DUOX2: variants seen among roughly 807,000 people sequenced by gnomAD.
DUOX2 encodes the protein NADH/NADPH thyroid oxidase p138-tox.
A neutral mutation model predicts 183.3 loss-of-function variants in DUOX2; 185 were observed. The ratio of observed to expected loss-of-function variants is 1.01; its 90% CI spans 0.90 to 1.14. The LOEUF (loss-of-function observed/expected upper bound fraction) is 1.14. Ranked by LOEUF, DUOX2 falls within the 50% of genes most tolerant of loss-of-function variation. The pLI, the probability that DUOX2 is intolerant of heterozygous loss-of-function variation, is 0.00. For missense variants in DUOX2, 1,999 were observed against 2,022.9 expected, an observed-to-expected ratio of 0.99 and a Z score of 0.23; for synonymous variants, 788 against 812.4, an observed-to-expected ratio of 0.97 and a Z score of 0.51.
At chr15:45,095,159 C>A in intron 31 of DUOX2, 68 bp from the exon 32 acceptor site, 1 of 1,559,054 alleles carries the variant, frequency 6.4e-7, no homozygotes, top group Non-Finnish European at 8.7e-7. Flanking sequence ...GGTGCCTTCA[C>A]CTGAGAGGCT....
intron 3 of DUOX2, 115 bp from the exon 4 acceptor site, chr15:45,112,833 A>C: frequency 1.3e-6 from 2 of 1,560,238 alleles, no homozygotes; most frequent in East Asian, 2.2e-5. Flanking sequence ...ACCTTCCCTC[A>C]AGGGTCTCTT....
At chr15:45,101,037 C>T (rs1379785178) in intron 22 of DUOX2, 168 bp downstream of exon 22, 13 of 724,888 alleles carry the variant, frequency 1.8e-5, no homozygotes, top group African/African-American at 5.3e-5. Flanking sequence ...GCCAAGCATC[C>T]GAGCAGCATA....
Position 45,094,974 on chromosome 15 carries a change from G to A in DUOX2, c.4357C>T (p.Gln1453Ter), listed in dbSNP as rs1188250699. 1 of 1,614,140 alleles carries A rather than the reference G, an allele frequency of 6.2e-7. No individual in the cohort carries two copies. The highest frequency in any genetic ancestry group is 1.7e-5 in the Admixed American group (1 of 60,022). ...CTGAGGTCGAACTTCTCAGCCAGCT[G>A]GGTGACATAAATGTGCACAGACACC... is the stretch of plus-strand genomic sequence containing the variant. The part of the protein sequence containing the change: ...DLVSVHIYVT[Q>*]LAEKFDLRTT... Residue 1453 changes from glutamine to a stop codon, truncating the protein, a stop_gained, in exon 32 of 34, where the codon CAG becomes TAG. Coordinates refer to ENST00000389039, the MANE Select transcript of DUOX2 (RefSeq NM_001363711.2). LOFTEE classifies it high-confidence loss of function.
At chr15:45,101,605 C>T in intron 21 of DUOX2, 188 bp downstream of exon 21, 1 of 707,760 alleles carries the variant, frequency 1.4e-6, no homozygotes, top group Non-Finnish European at 2.4e-6. Context: ...GCTCCTTGAC[C>T]TCAGTGGGTA....
In DUOX2 at chr15:45,108,114, T is replaced by C. The variant is rs1233086314; in HGVS notation, c.1507A>G (p.Ile503Val). The stretch of plus-strand genomic sequence containing the variant: ...AGCCGTACAAACTGGTCGAGGACAA[T>C]GGCACTGAACAGGGGTCCAGGGTCC... Reference protein sequence around the residue: ...HGDPGPLFSAIVLDQFVRLRD... With the variant: ...HGDPGPLFSAVVLDQFVRLRD... Residue 503 changes from isoleucine to valine, a missense_variant, in exon 13 of 34, where the codon ATT (isoleucine) becomes GTT (valine). Physicochemically the swap from Ile to Val is conservative, Grantham distance 29. This residue lies in a region of DUOX2 where 1,628 missense variants were observed against 1,608.6 expected (regional missense o/e 1.01). Coordinates refer to ENST00000389039, the MANE Select transcript of DUOX2 (RefSeq NM_001363711.2). 2 of 1,614,002 alleles carry C rather than the reference T, an allele frequency of 1.2e-6. No homozygotes were observed. Among genetic ancestry groups the C allele is most frequent in the East Asian group, 2.2e-5 (1 of 44,888 alleles).
rs548489857 is a variant in DUOX2, at chr15:45,106,449, G to A, written c.1945+79C>T. On this transcript the variant is annotated intron_variant, in intron 16 of 33. Coordinates refer to ENST00000389039, the MANE Select transcript of DUOX2 (RefSeq NM_001363711.2). ...GGTGCCTTGGCTTTCCTCTCACTCT[G>A]TAACTTGGTTCTTTCTCCCAGACTC... 6 of 1,588,940 alleles carry A rather than the reference G, an allele frequency of 3.8e-6. No homozygotes were observed. The South Asian group carries it at 6.6e-5, about 18-fold the overall frequency.
At chr15:45,108,654 T>C in intron 12 of DUOX2, 135 bp downstream of exon 12, 3 of 1,044,592 alleles carry the variant, frequency 2.9e-6, no homozygotes, top group Non-Finnish European at 4.3e-6. Flanking sequence ...ATGTCATCAG[T>C]AAAATGGGGA....
chr15:45,107,980 G>A lies in DUOX2; in HGVS notation c.1574+67C>T, dbSNP rs572595569. 7 of 1,582,450 alleles carry A rather than the reference G, an allele frequency of 4.4e-6. No individual in the cohort carries two copies. In the East Asian group the frequency reaches 1.3e-4, roughly 30 times the overall value. On this transcript the variant is annotated intron_variant, in intron 13 of 33. Transcript: ENST00000389039. ...TCAAGGGCTCATAGGGGCTGTCTAA[G>A]GCTAGACAGAGGGTCTGGGGCTCAG... is the stretch of plus-strand genomic sequence containing the variant.
chr15:45,096,029 T>C lies in DUOX2; in HGVS notation c.3879A>G (p.Gln1293=), dbSNP rs913801510. Reference sequence around the variant, plus strand: ...ACTGTCCTGACTTGTACTCAAAGCCTTGGGGCCTCTGGAATTGCAGGTAGG... The same window carrying C: ...ACTGTCCTGACTTGTACTCAAAGCCCTGGGGCCTCTGGAATTGCAGGTAGG... ...GVTYLQFQRP[Q]GFEYKSGQWV... The change falls in exon 30 of 34, where the codon CAA becomes CAG. Residue 1293 remains glutamine (Q), a synonymous_variant. Transcript: ENST00000389039. 2 of 1,613,942 alleles carry C rather than the reference T, an allele frequency of 1.2e-6. No homozygotes were observed. Among genetic ancestry groups the C allele is most frequent in the Non-Finnish European group, 1.7e-6 (2 of 1,179,968 alleles).
chr15:45,094,634 G>A lies in DUOX2; in HGVS notation c.4453C>T (p.Arg1485Cys), dbSNP rs368004695. The change falls in exon 33 of 34, where the codon CGC becomes TGC. Residue 1485 changes from arginine (R) to cysteine (C), a missense_variant. This residue lies in a region of DUOX2 where 1,628 missense variants were observed against 1,608.6 expected (regional missense o/e 1.01). Transcript: ENST00000389039. ...VLNRSLFTGLRSITHFGRPPF... is the reference protein window; with the variant it reads ...VLNRSLFTGLCSITHFGRPPF... ...GGACGGCCAAAGTGGGTGATGGAGC[G>A]CAGGCCCGTGAACAGACTCCGGTTC... 1.1e-5 allele frequency: 18 copies of A among 1,613,942 alleles called. No homozygotes were observed. The highest frequency in any genetic ancestry group is 1.2e-5 in the Non-Finnish European group (14 of 1,180,004).
intron 18 of DUOX2, 70 bp downstream of exon 18, chr15:45,105,573 G>T (rs879204914): frequency 4.4e-6 from 7 of 1,593,006 alleles, no homozygotes; most frequent in Non-Finnish European, 6.0e-6. Flanking sequence ...CCACAGGGGC[G>T]TTCTATGCAG....
chr15:45,105,211 T>G (rs1335934940), intron 18 of DUOX2, among the ~76,000 whole-genome samples: 1 of 152,196 alleles, frequency 6.6e-6, no homozygotes, highest in East Asian at 1.9e-4. Context: ...TTAGAGTGTA[T>G]CTGAATCATC....
chr15:45,105,673 C>T lies in DUOX2; in HGVS notation c.2304G>A (p.Leu768=), dbSNP rs1249677541. The change falls in exon 18 of 34, where the codon CTG becomes CTA. Residue 768 remains leucine (L), a synonymous_variant. Transcript: ENST00000389039. The part of the protein sequence containing the change: ...AVTKQQRERI[L]EIFFRHLFAQ... Reference sequence around the variant, plus strand: ...CAAAAAGGTGTCTGAAGAAGATCTCCAGGATGCGTTCCCGCTGCTGCTTTG... The same window carrying T: ...CAAAAAGGTGTCTGAAGAAGATCTCTAGGATGCGTTCCCGCTGCTGCTTTG... The T allele has an allele frequency of 1.2e-6, 2 of 1,614,256 alleles. No homozygotes were observed. The highest frequency in any genetic ancestry group is 2.7e-5 in the African/African-American group (2 of 75,068).
Position 45,099,459 on chromosome 15 carries a change from C to T in DUOX2, c.3439G>A (p.Val1147Ile), listed in dbSNP as rs1401664811. 1.2e-6 allele frequency: 2 copies of T among 1,613,940 alleles called. No homozygotes were observed. The highest frequency in any genetic ancestry group is 1.7e-5 in the Admixed American group (1 of 60,002). ...LAILHSAGHA[V>I]NVYIFSVSPL... Reference sequence around the variant, plus strand: ...CTGACTGAGAAGATGTAGACATTGACTGCGTGGCCAGCACTGTGCAAAACT... The same window carrying T: ...CTGACTGAGAAGATGTAGACATTGATTGCGTGGCCAGCACTGTGCAAAACT... Residue 1147 changes from valine to isoleucine, a missense_variant, in exon 26 of 34, where the codon GTC (valine) becomes ATC (isoleucine). This residue lies in a region of DUOX2 where 1,628 missense variants were observed against 1,608.6 expected (regional missense o/e 1.01). Coordinates refer to ENST00000389039, the MANE Select transcript of DUOX2 (RefSeq NM_001363711.2).
chr15:45,107,850 C>CAAAAAAAAAAAAAAAAAA (rs36025213), intron 13 of DUOX2, among the ~76,000 whole-genome samples, 197 bp downstream of exon 13: 2 of 48,824 alleles, frequency 4.1e-5, no homozygotes, highest in African/African-American at 7.9e-5. Context: ...GACTCTGCCT[C>CAAAAAAAAAAAAAAAAAA]AAAAAAAAAA....
rs1393186916 is a variant in DUOX2, at chr15:45,112,569, G to A, written c.310C>T (p.Leu104=). The change falls in exon 4 of 34, where the codon CTG becomes TTG. Residue 104 remains leucine, a synonymous_variant. Coordinates refer to ENST00000389039, the MANE Select transcript of DUOX2 (RefSeq NM_001363711.2). ...GLPSLHNRTV[L]GVFFGYHVLS... is the part of the protein sequence containing the mutation. ...TTGCCCTCACCAAAGAAGACCCCCA[G>A]TACGGTGCGGTTGTGGAGCGACGGC... The A allele has an allele frequency of 3.1e-6, 5 of 1,612,978 alleles. No homozygotes were observed. The highest frequency in any genetic ancestry group is 3.4e-6 in the Non-Finnish European group (4 of 1,179,764).
At chr15:45,110,133 A>G (rs1238906106) in intron 9 of DUOX2, among the ~76,000 whole-genome samples, 153 bp from the exon 10 acceptor site, 1 of 152,122 alleles carries the variant, frequency 6.6e-6, no homozygotes, top group East Asian at 1.9e-4. Flanking sequence ...ATGTGCGTTT[A>G]CTGAAGATAG....
intron 3 of DUOX2, 106 bp downstream of exon 3, chr15:45,112,881 C>T: frequency 5.2e-6 from 8 of 1,544,072 alleles, no homozygotes; most frequent in South Asian, 1.1e-5. Context: ...GTGTAGGCAG[C>T]GGAGCTGCTG....
chr15:45,098,028 CCA>C lies in DUOX2; in HGVS notation c.3544_3545del (p.Trp1182ValfsTer78). On this transcript the variant is annotated frameshift_variant, in exon 27 of 34. Coordinates refer to ENST00000389039, the MANE Select transcript of DUOX2 (RefSeq NM_001363711.2). LOFTEE classifies it high-confidence loss of function. ...TCCTACCTGGGACGGTCTGGAAGAA[CCA>C]CCAATAGAACTTCTGGGGAAGCTTG... is the stretch of plus-strand genomic sequence containing the variant. The part of the protein sequence containing the change: ...GSKLPQKFYW[W>X]FFQTVPGMTG... 1 of 1,614,130 alleles carries C rather than the reference CCA, an allele frequency of 6.2e-7. No individual in the cohort carries two copies. Among genetic ancestry groups the C allele is most frequent in the Non-Finnish European group, 8.5e-7 (1 of 1,179,988 alleles).
Sources: gnomAD v4.1 joint callset for allele counts (sites outside exome capture counted in the v4.1 genomes callset) on GRCh38, gnomAD v4.1.1 for gene constraint, gnomAD v4.1.1 regional missense constraint, MANE v1.5 for transcripts, NCBI Gene and HGNC (gene_info 2026-07-23, HGNC 2026-07-21) for gene names.